The following PVT1 variants were observed in gnomAD, a reference collection of about 807,000 sequenced individuals.
PVT1 encodes the protein CXCR4/PVT1 fusion.
intron 3 of PVT1, among the ~76,000 whole-genome samples, chr8:127,983,394 C>T (rs1050913047): frequency 4.6e-5 from 7 of 152,264 alleles, no homozygotes; most frequent in African/African-American, 1.7e-4. Flanking sequence ...TTGAGAAAGG[C>T]TTTGATTTCT....
At chr8:127,941,498 T>C (rs1027143792) in intron 3 of PVT1, among the ~76,000 whole-genome samples, 1 of 152,200 alleles carries the variant, frequency 6.6e-6, no homozygotes, top group Non-Finnish European at 1.5e-5. Flanking sequence ...TAAAATATTA[T>C]GTAGAGCCAT....
chr8:127,815,511 A>C lies in PVT1; in HGVS notation n.372+19440A>C, dbSNP rs773250860. On this transcript the variant is annotated intron_variant and non_coding_transcript_variant, in intron 2 of 10. Coordinates refer to ENST00000651587, the Ensembl canonical transcript of PVT1. ...GAGTCTTGACCCTGTGCTGGGGCTGACTTCTGCTTTTACATGAGTTCTTGT... is the reference window on the plus strand; with the variant it reads ...GAGTCTTGACCCTGTGCTGGGGCTGCCTTCTGCTTTTACATGAGTTCTTGT... 9.8e-5 allele frequency among the ~76,000 whole-genome samples: 15 copies of C among 152,306 alleles called. No homozygotes were observed. In the South Asian group the frequency reaches 1.9e-3, roughly 19 times the overall value.
chr8:128,021,362 T>C (rs147290236), intron 4 of PVT1, among the ~76,000 whole-genome samples: 2,423 of 144,084 alleles, frequency 0.017, 51 homozygotes, highest in African/African-American at 0.051. Context: ...GGCGCAATCT[T>C]GGCTCACTGC....
intron 3 of PVT1, chr8:127,948,283 A>C (rs1038773930): frequency 4.2e-6 from 1 of 238,288 alleles, no homozygotes; most frequent in Non-Finnish European, 8.4e-6. Context: ...GCTTGTGCCC[A>C]TGGTAGGTCC....
At chr8:127,889,666 C>T (rs535178799) in intron 2 of PVT1, among the ~76,000 whole-genome samples, 429 of 152,234 alleles carry the variant, frequency 2.8e-3, no homozygotes, top group Non-Finnish European at 5.0e-3. Flanking sequence ...CTTAGAGCGG[C>T]GGATCAGGGC....
intron 4 of PVT1, among the ~76,000 whole-genome samples, chr8:128,043,638 G>T (rs1272399111): frequency 2.0e-5 from 3 of 151,970 alleles, no homozygotes; most frequent in Non-Finnish European, 4.4e-5. Flanking sequence ...CAGAGCTGGG[G>T]GAAATCAAGT....
intron 3 of PVT1, among the ~76,000 whole-genome samples, chr8:127,981,010 T>C (rs1816877368): frequency 6.6e-6 from 1 of 152,164 alleles, no homozygotes; most frequent in South Asian, 2.1e-4. Context: ...TTGGCCAGGC[T>C]GGTCTTGAAC....
chr8:128,082,897 G>A (rs1352066227), intron 5 of PVT1: 1 of 152,234 alleles, frequency 6.6e-6, no homozygotes, highest in Non-Finnish European at 1.5e-5. Flanking sequence ...GCCTAAGACA[G>A]TTGACTATCT....
chr8:128,028,327 A>G (rs1216437974), intron 4 of PVT1, among the ~76,000 whole-genome samples: 3 of 152,184 alleles, frequency 2.0e-5, no homozygotes, highest in Non-Finnish European at 4.4e-5. Flanking sequence ...CTCGGCTGGC[A>G]TGGGTATTGC....
rs73357324 is a variant in PVT1, at chr8:128,024,413, A to G, written n.912+35122A>G. 1.0e-2 allele frequency among the ~76,000 whole-genome samples: 1,517 copies of G among 152,276 alleles called. 31 individuals carry two copies. The highest frequency in any genetic ancestry group is 0.035 in the African/African-American group (1,448 of 41,544). ...CAAGGCAGGTGGATGGTTTGAGCCC[A>G]GGAATTCCAGATCAGCCTGGGCAAC... On this transcript the variant is annotated intron_variant and non_coding_transcript_variant, in intron 4 of 10. Coordinates refer to ENST00000651587, the Ensembl canonical transcript of PVT1.
chr8:127,856,830 A>G (rs1457041543), intron 2 of PVT1, among the ~76,000 whole-genome samples: 2 of 152,256 alleles, frequency 1.3e-5, no homozygotes, highest in Non-Finnish European at 2.9e-5. Context: ...GCTAACATTT[A>G]GGCCTAGAGT....
intron 4 of PVT1, among the ~76,000 whole-genome samples, chr8:128,012,333 T>C (rs1375096731): frequency 6.6e-6 from 1 of 152,232 alleles, no homozygotes; most frequent in East Asian, 1.9e-4. Flanking sequence ...TAATATTTTC[T>C]CTGAGGCTGA....
intron 4 of PVT1, among the ~76,000 whole-genome samples, chr8:128,064,583 G>T (rs763470510): frequency 2.8e-4 from 42 of 152,298 alleles, no homozygotes; most frequent in Non-Finnish European, 5.1e-4. Flanking sequence ...TGGTTCTAGG[G>T]TGGGGCCCTG....
intron 3 of PVT1, among the ~76,000 whole-genome samples, chr8:127,943,859 T>A (rs1464159724): frequency 6.6e-6 from 1 of 152,102 alleles, no homozygotes; most frequent in African/African-American, 2.4e-5. Context: ...GTGAATTTCA[T>A]CCCCAATGTG....
intron 2 of PVT1, among the ~76,000 whole-genome samples, chr8:127,883,109 C>G (rs542212733): frequency 6.6e-6 from 1 of 150,554 alleles, no homozygotes; most frequent in African/African-American, 2.5e-5. Flanking sequence ...GTCCAGAAGG[C>G]TCAGAGACAG....
chr8:127,894,229 G>A (rs370801603), intron 3 of PVT1, among the ~76,000 whole-genome samples: 2 of 152,116 alleles, frequency 1.3e-5, no homozygotes, highest in East Asian at 1.9e-4. Context: ...TGTTCCCCAC[G>A]GGGTGCCTGG....
At chr8:127,929,434 T>C (rs1276374716) in intron 3 of PVT1, among the ~76,000 whole-genome samples, 1 of 152,196 alleles carries the variant, frequency 6.6e-6, no homozygotes, top group African/African-American at 2.4e-5. Context: ...TCCTCCCAAC[T>C]CTTGCTTTGC....
intron 5 of PVT1, among the ~76,000 whole-genome samples, chr8:128,073,363 C>A (rs751670948): frequency 1.3e-5 from 2 of 152,060 alleles, no homozygotes; most frequent in Non-Finnish European, 2.9e-5. Flanking sequence ...CCTTTTCTCC[C>A]TCCATCCCTT....
At chr8:127,869,427 G>T (rs1290562854) in intron 2 of PVT1, among the ~76,000 whole-genome samples, 1 of 152,088 alleles carries the variant, frequency 6.6e-6, no homozygotes, top group African/African-American at 2.4e-5. Flanking sequence ...CACCACGCTT[G>T]GCCTATTTTT....
Sources: allele counts gnomAD v4.1 joint callset (sites outside exome capture counted in the v4.1 genomes callset), GRCh38; gene constraint gnomAD v4.1.1; transcripts MANE v1.5; gene names NCBI Gene and HGNC (gene_info 2026-07-23, HGNC 2026-07-21).